PAPPA2: variants seen among roughly 807,000 people sequenced by gnomAD.
PAPPA2 encodes the protein pappalysin 2.
A neutral mutation model predicts 176.4 loss-of-function variants in PAPPA2; 86 were observed. That is an observed-to-expected ratio of 0.49 (90% CI 0.41 to 0.58). The LOEUF (loss-of-function observed/expected upper bound fraction) is 0.58, where lower values mean the gene tolerates loss of function less well. Among genes scored for constraint, PAPPA2 ranks in the 20% least tolerant of loss-of-function variants. The probability of loss-of-function intolerance (pLI) is 0.00; values close to 1 mark genes in which losing one functional copy is unlikely to be tolerated. For missense variants in PAPPA2, 2,073 were observed against 2,256.9 expected (o/e 0.92, Z 1.65); for synonymous variants, 809 against 852.2 (o/e 0.95, Z 0.88).
chr1:176,635,944 T>C (rs376706748), intron 3 of PAPPA2, among the ~76,000 whole-genome samples: 1 of 152,132 alleles, frequency 6.6e-6, no homozygotes, highest in South Asian at 2.1e-4. Context: ...TAACCTGACA[T>C]TGTCAAGAAT....
At chr1:176,689,377 C>T (rs185976509) in intron 4 of PAPPA2, among the ~76,000 whole-genome samples, 85 of 152,194 alleles carry the variant, frequency 5.6e-4, no homozygotes, top group Non-Finnish European at 5.6e-4. Flanking sequence ...CCTTTGTGTT[C>T]TCATGGAGAT....
intron 2 of PAPPA2, among the ~76,000 whole-genome samples, chr1:176,574,073 C>G (rs753963911): frequency 6.6e-6 from 1 of 151,946 alleles, no homozygotes; most frequent in African/African-American, 2.4e-5. Flanking sequence ...TGATTCAATC[C>G]ATTAGTGTAT....
At chr1:176,653,023 A>G (rs1657824595) in intron 3 of PAPPA2, among the ~76,000 whole-genome samples, 3 of 151,668 alleles carry the variant, frequency 2.0e-5, no homozygotes, top group Non-Finnish European at 4.4e-5. Flanking sequence ...TTGCTTCTAC[A>G]CCACCATTTT....
intron 17 of PAPPA2, among the ~76,000 whole-genome samples, chr1:176,780,848 T>C (rs1038595095): frequency 3.3e-5 from 5 of 152,212 alleles, no homozygotes; most frequent in African/African-American, 1.2e-4. Context: ...AGTTCACCCC[T>C]GAATTTTGGT....
chr1:176,644,128 A>G (rs534735755), intron 3 of PAPPA2, among the ~76,000 whole-genome samples: 1 of 151,970 alleles, frequency 6.6e-6, no homozygotes, highest in South Asian at 2.1e-4. Flanking sequence ...TCCTCTCAAA[A>G]GCTCAGTGTC....
chr1:176,771,234 G>A (rs1253773882), intron 17 of PAPPA2, 54 bp downstream of exon 17: 2 of 1,562,774 alleles, frequency 1.3e-6, no homozygotes, highest in African/African-American at 2.7e-5. Context: ...TGCTTGTTAT[G>A]TTTGTTTTTC....
At position 176,578,490 on chromosome 1, in the gene PAPPA2, G is replaced by C. The variant is rs1652777953; in HGVS notation, c.920-16034G>C. 2.0e-5 allele frequency among the ~76,000 whole-genome samples: 3 copies of C among 152,286 alleles called. No individual in the cohort carries two copies. The Middle Eastern group carries it at 0.01, about 518-fold the overall frequency. ...GACTCCATTTGACTTCAGGAGCAGA[G>C]TGGGAACAAGGAAATACAACCCATC... On this transcript the variant is annotated intron_variant, in intron 2 of 22. Transcript: ENST00000367662.
chr1:176,556,437 C>G lies in PAPPA2; in HGVS notation c.115C>G (p.His39Asp). The G allele has an allele frequency of 6.2e-7, 1 of 1,614,188 alleles. No homozygotes were observed. ...CAAGAAATCCTTGGTTGAGAGGGAA[C>G]ACCTGAATCAGGTGCTGTTGGAAGG... Reference protein sequence around the residue: ...TRKKSLVEREHLNQVLLEGER... With the variant: ...TRKKSLVEREDLNQVLLEGER... The change falls in exon 2 of 23, where the codon CAC (histidine) becomes GAC (aspartate). Residue 39 changes from histidine (H) to aspartate (D), a missense_variant. His to Asp is a moderately conservative substitution (Grantham distance 81). This residue lies in a region of PAPPA2 where 1,196 missense variants were observed against 1,330.4 expected (regional missense o/e 0.90). Transcript: ENST00000367662.
intron 17 of PAPPA2, 152 bp from the exon 18 acceptor site, chr1:176,789,657 A>T: frequency 1.4e-6 from 1 of 719,386 alleles, no homozygotes; most frequent in Non-Finnish European, 2.3e-6. Flanking sequence ...TCCATGATTT[A>T]GAAATTAGCC....
intron 14 of PAPPA2, among the ~76,000 whole-genome samples, chr1:176,748,678 A>G (rs1446497802): frequency 6.6e-6 from 1 of 152,234 alleles, no homozygotes; most frequent in Non-Finnish European, 1.5e-5. Flanking sequence ...ATGATTTCAT[A>G]AGATTATAAT....
At position 176,842,712 on chromosome 1, in the gene PAPPA2, G is replaced by A; in HGVS notation, c.*258G>A. 1 of 468,906 alleles carries A rather than the reference G, an allele frequency of 2.1e-6. No individual in the cohort carries two copies. The highest frequency in any genetic ancestry group is 3.9e-6 in the Non-Finnish European group (1 of 258,962). The allele number at this position is 468,906 out of a possible 1,614,324, so 29.0% of individuals were successfully genotyped here. ...TTAACATGGAAGGGGAAATATGATA[G>A]ATATATAAGGACCCTCCTCCCTCAC... is the stretch of plus-strand genomic sequence containing the variant. On this transcript the variant is annotated 3_prime_UTR_variant, in exon 23 of 23. Coordinates refer to ENST00000367662, the MANE Select transcript of PAPPA2 (RefSeq NM_020318.3).
At position 176,699,588 on chromosome 1, in the gene PAPPA2, G is replaced by A. The variant is rs771235887; in HGVS notation, c.3235G>A (p.Val1079Met). 42 of 1,597,092 alleles carry A rather than the reference G, an allele frequency of 2.6e-5. No individual in the cohort carries two copies. Among genetic ancestry groups the A allele is most frequent in the East Asian group, 1.6e-4 (7 of 44,488 alleles). Residue 1079 changes from valine to methionine, a missense_variant and splice_region_variant, in exon 8 of 23, where the codon GTG becomes ATG. Physicochemically the swap from Val to Met is conservative, Grantham distance 21. This residue lies in a region of PAPPA2 where 846 missense variants were observed against 857.9 expected (regional missense o/e 0.99). Coordinates refer to ENST00000367662, the MANE Select transcript of PAPPA2 (RefSeq NM_020318.3). The part of the protein sequence containing the change: ...VTHSHRKFTD[V>M]EVTPGQMYQY... ...ACATTCTCACAGGAAGTTCACGGACGTGTGAGTTTGGTAGCATGACTATGG... is the reference window on the plus strand; with the variant it reads ...ACATTCTCACAGGAAGTTCACGGACATGTGAGTTTGGTAGCATGACTATGG...
At chr1:176,696,476 G>T (rs1182396182) in intron 7 of PAPPA2, among the ~76,000 whole-genome samples, 2 of 152,158 alleles carry the variant, frequency 1.3e-5, no homozygotes. Context: ...TAGGCTCCAG[G>T]AAGGGGAAAA....
chr1:176,508,698 G>T (rs145866510), intron 1 of PAPPA2, among the ~76,000 whole-genome samples: 1 of 152,034 alleles, frequency 6.6e-6, no homozygotes, highest in African/African-American at 2.4e-5. Flanking sequence ...GAGTGACCTC[G>T]TGGGAAATGA....
intron 1 of PAPPA2, among the ~76,000 whole-genome samples, chr1:176,477,387 A>C (rs192424640): frequency 6.6e-6 from 1 of 152,218 alleles, no homozygotes; most frequent in African/African-American, 2.4e-5. Flanking sequence ...AATAAGTTTC[A>C]TGCAACACTA....
At chr1:176,822,584 A>C (rs2102975627) in intron 21 of PAPPA2, among the ~76,000 whole-genome samples, 1 of 152,334 alleles carries the variant, frequency 6.6e-6, no homozygotes, top group East Asian at 1.9e-4. Context: ...TGAGCTTATG[A>C]GGCTTCTCTT....
chr1:176,727,757 A>G (rs1304058706), intron 12 of PAPPA2, among the ~76,000 whole-genome samples: 2 of 152,100 alleles, frequency 1.3e-5, no homozygotes, highest in African/African-American at 4.8e-5. Flanking sequence ...AAACAACTGT[A>G]GAATGCTCAT....
At chr1:176,603,625 C>A (rs1430071306) in intron 3 of PAPPA2, among the ~76,000 whole-genome samples, 2 of 152,198 alleles carry the variant, frequency 1.3e-5, no homozygotes, top group Non-Finnish European at 2.9e-5. Flanking sequence ...TACTACTTAT[C>A]CTTCAAGTCT....
At chr1:176,567,122 C>T (rs1652031321) in intron 2 of PAPPA2, among the ~76,000 whole-genome samples, 1 of 152,210 alleles carries the variant, frequency 6.6e-6, no homozygotes, top group African/African-American at 2.4e-5. Context: ...AAAATAACAG[C>T]ATCGTTTCTT....
Sources: gnomAD v4.1 joint callset for allele counts (sites outside exome capture counted in the v4.1 genomes callset) on GRCh38, gnomAD v4.1.1 for gene constraint, gnomAD v4.1.1 regional missense constraint, MANE v1.5 for transcripts, NCBI Gene and HGNC (gene_info 2026-07-23, HGNC 2026-07-21) for gene names.